MAF: variants seen among roughly 807,000 people sequenced by gnomAD.
The protein encoded by MAF is MAF bZIP transcription factor, also known as transcription factor Maf.
A neutral mutation model predicts 22.0 loss-of-function variants in MAF; 10 were observed. The observed-to-expected ratio is 0.45, with a 90% CI of 0.28 to 0.77. MAF has a LOEUF of 0.77. Ranked by LOEUF, MAF falls within the 30% of genes least tolerant of loss-of-function variation. The pLI is 0.12. For synonymous variants in MAF, 337 were observed against 255.8 expected (o/e 1.32, Z -3.03); for missense variants, 544 against 548.4 (o/e 0.99, Z 0.08).
the MAF span, among the ~76,000 whole-genome samples, chr16:79,488,440 G>GC: frequency 0.022 from 3,338 of 152,136 alleles, 124 homozygotes; most frequent in African/African-American, 0.075. Flanking sequence ...ACCTTGGGTG[G>GC]CAAGTTCTGG....
chr16:79,537,214 A>C, the MAF span, among the ~76,000 whole-genome samples: 4 of 152,212 alleles, frequency 2.6e-5, no homozygotes, highest in Non-Finnish European at 4.4e-5. Flanking sequence ...GCACAGAGTC[A>C]CACTCGAACA....
chr16:79,410,394 C>T, the MAF span, among the ~76,000 whole-genome samples: 5 of 152,356 alleles, frequency 3.3e-5, no homozygotes, highest in South Asian at 2.1e-4. Flanking sequence ...TAGTGGCCAT[C>T]ATATTGAACT....
the MAF span, among the ~76,000 whole-genome samples, chr16:79,310,165 A>AAAT: frequency 6.6e-6 from 1 of 152,192 alleles, no homozygotes; most frequent in Non-Finnish European, 1.5e-5. Context: ...CATTGGCACA[A>AAAT]GGTTCAGCCA....
At chr16:79,385,923 C>A in the MAF span, among the ~76,000 whole-genome samples, 1 of 152,044 alleles carries the variant, frequency 6.6e-6, no homozygotes, top group African/African-American at 2.4e-5. Flanking sequence ...AACAAAAAAA[C>A]AAAATAAAAC....
At chr16:79,284,577 G>C in the MAF span, among the ~76,000 whole-genome samples, 6 of 152,102 alleles carry the variant, frequency 3.9e-5, no homozygotes, top group African/African-American at 1.4e-4. Flanking sequence ...CTCACATTTT[G>C]ACCATCATCA....
At chr16:79,580,897 G>A (rs1057092844), downstream of MAF, among the ~76,000 whole-genome samples, 7 of 152,110 alleles carry the variant, frequency 4.6e-5, no homozygotes, top group African/African-American at 1.4e-4. Context: ...GCCTTTGAGC[G>A]TTGGGAGAGA....
the MAF span, among the ~76,000 whole-genome samples, chr16:79,410,264 G>C: frequency 6.6e-6 from 1 of 152,188 alleles, no homozygotes. Context: ...GAATCTCTGT[G>C]AATCTGTTGT....
the MAF span, chr16:79,203,595 A>G: frequency 4.6e-5 from 7 of 152,034 alleles, no homozygotes; most frequent in Admixed American, 6.5e-5. Context: ...AATCTAAACA[A>G]ACAGCTTGTT....
At chr16:79,222,194 A>G in the MAF span, among the ~76,000 whole-genome samples, 1 of 152,216 alleles carries the variant, frequency 6.6e-6, no homozygotes, top group African/African-American at 2.4e-5. Flanking sequence ...AACATTATTA[A>G]AGAAAAGAAT....
chr16:79,223,564 G>T, the MAF span, among the ~76,000 whole-genome samples: 16 of 152,084 alleles, frequency 1.1e-4, no homozygotes, highest in Non-Finnish European at 2.2e-4. Context: ...AAAAATCAAT[G>T]AATCCAGAAA....
chr16:79,433,890 A>G, the MAF span, among the ~76,000 whole-genome samples: 1 of 152,218 alleles, frequency 6.6e-6, no homozygotes, highest in Non-Finnish European at 1.5e-5. Context: ...GCACTCCTAC[A>G]TAGCAATGAT....
chr16:79,317,349 C>T, the MAF span, among the ~76,000 whole-genome samples: 2 of 142,268 alleles, frequency 1.4e-5, no homozygotes, highest in Non-Finnish European at 3.0e-5. Flanking sequence ...CTTTCTTCTC[C>T]TTCCTTCTTC....
chr16:79,457,135 G>A, the MAF span, among the ~76,000 whole-genome samples: 1 of 152,136 alleles, frequency 6.6e-6, no homozygotes, highest in African/African-American at 2.4e-5. Flanking sequence ...GGATAAGGTT[G>A]AAAGGGACTG....
the MAF span, among the ~76,000 whole-genome samples, chr16:79,578,637 T>G: frequency 1.3e-5 from 2 of 152,092 alleles, no homozygotes. Context: ...TGACAAATAT[T>G]AGAGAAGCTT....
the MAF span, among the ~76,000 whole-genome samples, chr16:79,439,164 C>T: frequency 6.6e-6 from 1 of 151,968 alleles, no homozygotes; most frequent in Non-Finnish European, 1.5e-5. Context: ...ATTTACGTAC[C>T]AAGAATAAGA....
At chr16:79,568,413 G>C in the MAF span, among the ~76,000 whole-genome samples, 1 of 152,184 alleles carries the variant, frequency 6.6e-6, no homozygotes, top group Non-Finnish European at 1.5e-5. Flanking sequence ...GGCCTGTAGG[G>C]AGCCTTCCTA....
chr16:79,426,524 C>G, the MAF span, among the ~76,000 whole-genome samples: 1 of 152,176 alleles, frequency 6.6e-6, no homozygotes, highest in Admixed American at 6.5e-5. Flanking sequence ...TCCTTAGGAT[C>G]CAGCCCTACC....
chr16:79,439,581 C>A, the MAF span, among the ~76,000 whole-genome samples: 1,314 of 152,218 alleles, frequency 8.6e-3, 21 homozygotes, highest in Middle Eastern at 0.034. Flanking sequence ...ATTTATTAAT[C>A]TCTTCTTGCT....
rs5818251 is a variant in MAF at position 79,599,908 on chromosome 16, T to TGCC, written c.-9_-7dup. The TGCC allele has an allele frequency of 3.5e-4, 551 of 1,554,536 alleles. No individual in the cohort carries two copies. The highest frequency in any genetic ancestry group is 2.0e-3 in the Admixed American group (119 of 58,396). ...ATTGCCAGTTCTGATGCCATTCTCC[T>TGCC]GCCGCCGCCGCCGCCGCCGCCGCCG... On this transcript the variant is annotated 5_prime_UTR_variant, in exon 1 of 2. Coordinates refer to ENST00000326043, the MANE Select transcript of MAF (RefSeq NM_005360.5).
Sources: allele counts gnomAD v4.1 joint callset (sites outside exome capture counted in the v4.1 genomes callset), GRCh38; gene constraint gnomAD v4.1.1; transcripts MANE v1.5; gene names NCBI Gene and HGNC (gene_info 2026-07-23, HGNC 2026-07-21).